Variants in PTPN4 observed in about 807,000 individuals in gnomAD.
PTPN4 encodes the protein tyrosine-protein phosphatase non-receptor type 4.
In PTPN4, 49 loss-of-function variants were observed where a neutral mutation model predicts 135.5. The ratio of observed to expected loss-of-function variants is 0.36; its 90% CI spans 0.29 to 0.46. PTPN4 has a LOEUF of 0.46. PTPN4 is among the 20% of genes least tolerant of loss of function. The pLI is 1.00. For missense variants in PTPN4, 860 were observed against 1,101.0 expected (o/e 0.78, Z 3.10); for synonymous variants, 333 against 369.9 (o/e 0.90, Z 1.14).
At chr2:119,809,070 C>T (rs921008798) in intron 1 of PTPN4, among the ~76,000 whole-genome samples, 5 of 151,818 alleles carry the variant, frequency 3.3e-5, no homozygotes, top group African/African-American at 1.2e-4. Context: ...CCTTAAATGC[C>T]TGAGTGTTTT....
intron 13 of PTPN4, among the ~76,000 whole-genome samples, chr2:119,927,515 G>A (rs1574408178): frequency 1.3e-5 from 2 of 152,044 alleles, no homozygotes; most frequent in Admixed American, 6.6e-5. Flanking sequence ...GGAAAGCCTC[G>A]GTACCCAGAA....
At chr2:119,923,644 A>C (rs1277998957) in intron 12 of PTPN4, among the ~76,000 whole-genome samples, 3 of 152,264 alleles carry the variant, frequency 2.0e-5, no homozygotes, top group Admixed American at 2.0e-4. Context: ...AATAATCCTG[A>C]TTAAAAAAAT....
At chr2:119,928,129 A>C (rs1045892238) in intron 13 of PTPN4, among the ~76,000 whole-genome samples, 3 of 152,082 alleles carry the variant, frequency 2.0e-5, no homozygotes, top group African/African-American at 4.8e-5. Flanking sequence ...GTTTTAAACT[A>C]TTTGTTGTTT....
intron 1 of PTPN4, among the ~76,000 whole-genome samples, chr2:119,772,391 C>CA (rs1177205865): frequency 6.6e-6 from 1 of 152,100 alleles, no homozygotes; most frequent in African/African-American, 2.4e-5. Context: ...TTGTTATATG[C>CA]AATTCTGAAA....
chr2:119,800,347 A>G (rs534094401), intron 1 of PTPN4, among the ~76,000 whole-genome samples: 1 of 152,034 alleles, frequency 6.6e-6, no homozygotes, highest in Non-Finnish European at 1.5e-5. Context: ...GCTCAGATTG[A>G]GCATCCTTTC....
At chr2:119,793,818 T>C (rs1691198273) in intron 1 of PTPN4, among the ~76,000 whole-genome samples, 1 of 149,226 alleles carries the variant, frequency 6.7e-6, no homozygotes, top group East Asian at 2.0e-4. Context: ...GGTTTGACCA[T>C]ATAGTTTGTT....
At chr2:119,852,241 C>T (rs1209635267) in intron 2 of PTPN4, among the ~76,000 whole-genome samples, 2 of 152,040 alleles carry the variant, frequency 1.3e-5, no homozygotes, top group African/African-American at 4.8e-5. Flanking sequence ...GCGCGTTTAC[C>T]CTATTTGGGA....
intron 15 of PTPN4, among the ~76,000 whole-genome samples, chr2:119,940,693 T>A (rs1679048885): frequency 6.6e-6 from 1 of 152,192 alleles, no homozygotes; most frequent in Admixed American, 6.5e-5. Flanking sequence ...AAGAGTTTTT[T>A]AAAGAGCCAT....
At position 119,877,479 on chromosome 2, in the gene PTPN4, G is replaced by A. The variant is rs1331671474; in HGVS notation, c.305G>A (p.Ser102Asn). The A allele has an allele frequency of 6.2e-7, 1 of 1,610,738 alleles. No individual in the cohort carries two copies. Among genetic ancestry groups the A allele is most frequent in the Non-Finnish European group, 8.5e-7 (1 of 1,178,914 alleles). Reference protein sequence around the residue: ...RKQLKRGSPYSLNFRVKFFVS... With the variant: ...RKQLKRGSPYNLNFRVKFFVS... ...TTAATTCTAGGAGGATCTCCTTACA[G>A]TTTGAACTTTAGAGTCAAATTTTTT... The change falls in exon 5 of 27, where the codon AGT becomes AAT. Residue 102 changes from serine to asparagine, a missense_variant. Physicochemically the swap from Ser to Asn is conservative, Grantham distance 46. This residue lies in a region of PTPN4 where 684 missense variants were observed against 807.0 expected (regional missense o/e 0.85). Transcript: ENST00000263708.
At chr2:119,785,327 G>T (rs991732719) in intron 1 of PTPN4, among the ~76,000 whole-genome samples, 32 of 152,042 alleles carry the variant, frequency 2.1e-4, no homozygotes, top group African/African-American at 7.5e-4. Context: ...ATCTGGAATT[G>T]GGTCCCAAAA....
chr2:119,829,024 C>T (rs546661352), intron 2 of PTPN4, among the ~76,000 whole-genome samples: 55 of 152,208 alleles, frequency 3.6e-4, no homozygotes, highest in Non-Finnish European at 6.6e-4. Context: ...CCACTATCCA[C>T]CACCCTTTAT....
chr2:119,795,736 G>A (rs996459391), intron 1 of PTPN4, among the ~76,000 whole-genome samples: 5 of 152,240 alleles, frequency 3.3e-5, no homozygotes, highest in South Asian at 4.1e-4. Flanking sequence ...GGGGGGCGGG[G>A]CTTCTGCCTG....
chr2:119,860,704 G>A (rs1186002545), intron 2 of PTPN4, among the ~76,000 whole-genome samples: 1 of 152,114 alleles, frequency 6.6e-6, no homozygotes, highest in East Asian at 1.9e-4. Context: ...TCCATTTTCT[G>A]TTGCTATAAC....
chr2:119,955,464 A>C (rs1388155405), intron 20 of PTPN4, 141 bp downstream of exon 20: 1 of 747,940 alleles, frequency 1.3e-6, no homozygotes, highest in East Asian at 3.3e-5. Context: ...AAGAGTTCTA[A>C]AATGCCAAGT....
At chr2:119,800,801 C>G (rs531467715) in intron 1 of PTPN4, among the ~76,000 whole-genome samples, 13 of 152,026 alleles carry the variant, frequency 8.6e-5, no homozygotes. Flanking sequence ...ATTGGTTCAG[C>G]ACTGTTTGTT....
chr2:119,867,948 G>A (rs1432537295), intron 3 of PTPN4, among the ~76,000 whole-genome samples: 11 of 152,164 alleles, frequency 7.2e-5, no homozygotes, highest in Non-Finnish European at 1.5e-4. Flanking sequence ...GCCGAAGCCA[G>A]CAGGGCAAAG....
intron 20 of PTPN4, 118 bp downstream of exon 20, chr2:119,955,441 A>T (rs116814404): frequency 0.027 from 24,786 of 916,154 alleles, 455 homozygotes; most frequent in Non-Finnish European, 0.031. Context: ...TATTCTGAGA[A>T]ATGTTTGACA....
chr2:119,769,481 A>C (rs969071876), intron 1 of PTPN4, among the ~76,000 whole-genome samples: 2 of 152,204 alleles, frequency 1.3e-5, no homozygotes, highest in African/African-American at 4.8e-5. Context: ...AAATCTGCTG[A>C]AATGCTAAGG....
At chr2:119,971,538 G>T (rs545023358) in intron 26 of PTPN4, among the ~76,000 whole-genome samples, 23 of 152,276 alleles carry the variant, frequency 1.5e-4, no homozygotes, top group African/African-American at 5.5e-4. Context: ...TTTTATTGGC[G>T]AGTTGTAAGT....
Sources: allele counts gnomAD v4.1 joint callset (sites outside exome capture counted in the v4.1 genomes callset), GRCh38; gene constraint gnomAD v4.1.1; regional missense constraint gnomAD v4.1.1; transcripts MANE v1.5; gene names NCBI Gene and HGNC (gene_info 2026-07-23, HGNC 2026-07-21).